The following PAF1 variants were observed in gnomAD, a reference collection of about 807,000 sequenced individuals.
The protein encoded by PAF1 is RNA polymerase II-associated factor 1 homolog.
A neutral mutation model predicts 68.4 loss-of-function variants in PAF1; 31 were observed. The ratio of observed to expected loss-of-function variants is 0.45; its 90% confidence interval spans 0.34 to 0.61. The LOEUF (loss-of-function observed/expected upper bound fraction) is 0.61. PAF1 is among the 20% of genes least tolerant of loss of function. PAF1 has a pLI of 0.01. For synonymous variants in PAF1, 256 were observed against 240.5 expected, an observed-to-expected ratio of 1.06 and a Z score of -0.60; for missense variants, 435 against 692.9, an observed-to-expected ratio of 0.63 and a Z score of 4.18.
At position 39,386,956 on chromosome 19, in the gene PAF1, C is replaced by T. The variant is rs1203368855; in HGVS notation, c.987-157G>A. On this transcript the variant is annotated intron_variant, in intron 11 of 13. Coordinates refer to ENST00000221265, the MANE Select transcript of PAF1 (RefSeq NM_019088.4). This position sits in a 1 kb window ranked among gnomAD's most constrained non-coding sequence, Gnocchi z 6.1. The stretch of plus-strand genomic sequence containing the variant: ...TACAGATTGAATAAGGGCAGCTAAG[C>T]TCAAGGTATTGAGGGCAGGGGAAAG... Among the ~76,000 whole-genome samples the T allele has an allele frequency of 9.2e-5, 14 of 152,182 alleles. No homozygotes were observed. Among genetic ancestry groups the T allele is most frequent in the Non-Finnish European group, 1.5e-5 (1 of 68,034 alleles).
rs767082702 is a variant in PAF1, at chr19:39,389,269, G to C, written c.461+13C>G. Reference sequence around the variant, plus strand: ...ATATCTCCACCTTCCCTCTCTTCCTGTTAGTAACTTACTTGACCTCAGGCT... The same window carrying C: ...ATATCTCCACCTTCCCTCTCTTCCTCTTAGTAACTTACTTGACCTCAGGCT... On this transcript the variant is annotated intron_variant, in intron 6 of 13. Coordinates refer to ENST00000221265, the MANE Select transcript of PAF1 (RefSeq NM_019088.4). The surrounding 1 kb of genome is among the most constrained non-coding windows in gnomAD (Gnocchi z 5.3). 6.8e-6 allele frequency: 11 copies of C among 1,611,346 alleles called. No individual in the cohort carries two copies. Among genetic ancestry groups the C allele is most frequent in the Non-Finnish European group, 9.3e-6 (11 of 1,177,414 alleles).
At position 39,391,023 on chromosome 19, in the gene PAF1, G is replaced by A. The variant is rs2078368177; in HGVS notation, c.-159C>T. ...GAGATGAGGTGGGCGGGCGAGAAGA[G>A]CTCCAGCGAGACTCAGGTGAACGCG... On this transcript the variant is annotated 5_prime_UTR_variant, in exon 1 of 14. Transcript: ENST00000221265. The A allele has an allele frequency of 2.9e-6, 2 of 701,576 alleles. No homozygotes were observed. Among genetic ancestry groups the A allele is most frequent in the African/African-American group, 3.6e-5 (2 of 55,946 alleles). The allele number at this position is 701,576 out of a possible 1,614,324, so 43.5% of individuals were successfully genotyped here.
In PAF1 at chr19:39,389,664, C is replaced by T; in HGVS notation, c.268G>A (p.Asp90Asn). 6.2e-7 allele frequency: 1 copy of T among 1,614,194 alleles called. No individual in the cohort carries two copies. The highest frequency in any genetic ancestry group is 1.1e-5 in the South Asian group (1 of 91,066). ...LGVTIDLINP[D>N]TYRIDPNVLL... ...CCATTGGGGTCGATGCGGTAGGTGT[C>T]AGGATTGATGAGATCGATGGTGACC... The change falls in exon 4 of 14, where the codon GAC (aspartate) becomes AAC (asparagine). Residue 90 changes from aspartate to asparagine, a missense_variant. Coordinates refer to ENST00000221265, the MANE Select transcript of PAF1 (RefSeq NM_019088.4). The surrounding 1 kb of genome is among the most constrained non-coding windows in gnomAD (Gnocchi z 5.3).
Position 39,389,403 on chromosome 19 carries a change from A to G in PAF1, c.360-20T>C. On this transcript the variant is annotated intron_variant, in intron 5 of 13. Transcript: ENST00000221265. This position sits in a 1 kb window ranked among gnomAD's most constrained non-coding sequence, Gnocchi z 5.3. Reference sequence around the variant, plus strand: ...TGGGATCTGGGGTGGGAAATCAGGTATCTCAGGACCCCACTGCCCTCCTGC... The same window carrying G: ...TGGGATCTGGGGTGGGAAATCAGGTGTCTCAGGACCCCACTGCCCTCCTGC... 2 of 1,613,014 alleles carry G rather than the reference A, an allele frequency of 1.2e-6. No individual in the cohort carries two copies. The highest frequency in any genetic ancestry group is 2.2e-5 in the East Asian group (1 of 44,884).
chr19:39,389,570 G>A lies in PAF1; in HGVS notation c.293-24C>T. 3.1e-6 allele frequency: 5 copies of A among 1,614,158 alleles called. No homozygotes were observed. Among genetic ancestry groups the A allele is most frequent in the Non-Finnish European group, 3.4e-6 (4 of 1,180,004 alleles). On this transcript the variant is annotated intron_variant, in intron 4 of 13. Transcript: ENST00000221265. The surrounding 1 kb of genome is among the most constrained non-coding windows in gnomAD (Gnocchi z 5.3). The stretch of plus-strand genomic sequence containing the variant: ...AACTAGAGGAGAGCGGGGGGCAGGA[G>A]GACCATGAGGGAGGCCCAGGCCTGA...
chr19:39,390,184 A>G, intron 2 of PAF1, 23 bp from the exon 3 acceptor site: 1 of 1,612,088 alleles, frequency 6.2e-7, no homozygotes. Context: ...GTGGCTCAAA[A>G]GTGGGCCCCC....
In PAF1 at chr19:39,390,107, G is replaced by A. The variant is rs540656296; in HGVS notation, c.132C>T (p.Phe44=). Reference sequence around the variant, plus strand: ...AGGGGTAGGTGATGAACTTGGGGTCGAAGGGGATATCAGGGAGGCTATTGC... The same window carrying A: ...AGGGGTAGGTGATGAACTTGGGGTCAAAGGGGATATCAGGGAGGCTATTGC... The part of the protein sequence containing the change: ...KYCNSLPDIP[F]DPKFITYPFD... The change falls in exon 3 of 14, where the codon TTC becomes TTT. Residue 44 remains phenylalanine, a synonymous_variant. Coordinates refer to ENST00000221265, the MANE Select transcript of PAF1 (RefSeq NM_019088.4). 6.2e-7 allele frequency: 1 copy of A among 1,614,046 alleles called. No homozygotes were observed. Among genetic ancestry groups the A allele is most frequent in the African/African-American group, 1.3e-5 (1 of 75,018 alleles).
intron 11 of PAF1, chr19:39,387,015 C>T (rs2078266785): frequency 3.3e-6 from 2 of 605,788 alleles, no homozygotes; most frequent in Non-Finnish European, 5.9e-6. Flanking sequence ...GTTTGGTTGC[C>T]CTACACTGTG....
Position 39,390,878 on chromosome 19 carries a change from C to A in PAF1, c.-14G>T. 1 of 1,574,940 alleles carries A rather than the reference C, an allele frequency of 6.3e-7. No homozygotes were observed. Among genetic ancestry groups the A allele is most frequent in the South Asian group, 1.2e-5 (1 of 85,922 alleles). The stretch of plus-strand genomic sequence containing the variant: ...GGTGGGCGCCATAGCGACGAGGCGA[C>A]GGCAGCCCGGACGGGGTCCTAGCGG... On this transcript the variant is annotated 5_prime_UTR_variant, in exon 1 of 14. Coordinates refer to ENST00000221265, the MANE Select transcript of PAF1 (RefSeq NM_019088.4).
At position 39,389,955 on chromosome 19, in the gene PAF1, A is replaced by G; in HGVS notation, c.170+114T>C. ...CATTAACAATTGAGCAGCTACTACTATGTGCTAGGGTAGGTACTGTGCTAG... is the reference window on the plus strand; with the variant it reads ...CATTAACAATTGAGCAGCTACTACTGTGTGCTAGGGTAGGTACTGTGCTAG... On this transcript the variant is annotated intron_variant, in intron 3 of 13. Coordinates refer to ENST00000221265, the MANE Select transcript of PAF1 (RefSeq NM_019088.4). The surrounding 1 kb of genome is among the most constrained non-coding windows in gnomAD (Gnocchi z 5.3). The G allele has an allele frequency of 9.5e-7, 1 of 1,051,150 alleles. No homozygotes were observed. The highest frequency in any genetic ancestry group is 1.5e-6 in the Non-Finnish European group (1 of 682,746). 65.1% of individuals were successfully genotyped at this position (1,051,150 alleles called of 1,614,324 possible). A position where few individuals can be genotyped will look rare whatever the true frequency, so the allele number is the denominator to read the frequency against.
Position 39,389,764 on chromosome 19 carries a change from G to A in PAF1, c.171-3C>T. 1.2e-6 allele frequency: 2 copies of A among 1,614,098 alleles called. No homozygotes were observed. Among genetic ancestry groups the A allele is most frequent in the Non-Finnish European group, 1.7e-6 (2 of 1,180,014 alleles). ...AAGTGGCTTTGTACTGGACGAACCT[G>A]GGTGGGGAAACACCTATTGTGGTGT... On this transcript the variant is annotated splice_polypyrimidine_tract_variant and splice_region_variant and intron_variant, in intron 3 of 13. Transcript: ENST00000221265. The surrounding 1 kb of genome is among the most constrained non-coding windows in gnomAD (Gnocchi z 5.3).
Position 39,385,862 on chromosome 19 carries a change from T to C in PAF1, c.*129A>G. ...GGCTGGGAGGGGAAGTAAAGAGAAG[T>C]TGACTTTATTAACAGCAAAGGTTTG... On this transcript the variant is annotated 3_prime_UTR_variant, in exon 14 of 14. Transcript: ENST00000221265. 1.4e-6 allele frequency: 2 copies of C among 1,381,382 alleles called. No individual in the cohort carries two copies. Among genetic ancestry groups the C allele is most frequent in the Non-Finnish European group, 1.9e-6 (2 of 1,029,510 alleles). 85.6% of individuals were successfully genotyped at this position (1,381,382 alleles called of 1,614,324 possible). A position where few individuals can be genotyped will look rare whatever the true frequency, so the allele number is the denominator to read the frequency against.
Position 39,389,946 on chromosome 19 carries a change from G to T in PAF1, c.170+123C>A. ...TGCTTGCTCCATTAACAATTGAGCAGCTACTACTATGTGCTAGGGTAGGTA... is the reference window on the plus strand; with the variant it reads ...TGCTTGCTCCATTAACAATTGAGCATCTACTACTATGTGCTAGGGTAGGTA... On this transcript the variant is annotated intron_variant, in intron 3 of 13. Coordinates refer to ENST00000221265, the MANE Select transcript of PAF1 (RefSeq NM_019088.4). The surrounding 1 kb of genome is among the most constrained non-coding windows in gnomAD (Gnocchi z 5.3). 1 of 1,055,312 alleles carries T rather than the reference G, an allele frequency of 9.5e-7. No homozygotes were observed. Among genetic ancestry groups the T allele is most frequent in the Non-Finnish European group, 1.5e-6 (1 of 687,980 alleles). 65.4% of individuals were successfully genotyped at this position (1,055,312 alleles called of 1,614,324 possible). A position where few individuals can be genotyped will look rare whatever the true frequency, so the allele number is the denominator to read the frequency against.
chr19:39,388,546 C>T lies in PAF1; in HGVS notation c.857+14G>A, dbSNP rs759770721. 3.8e-5 allele frequency: 62 copies of T among 1,613,888 alleles called. No individual in the cohort carries two copies. The highest frequency in any genetic ancestry group is 3.4e-4 in the South Asian group (31 of 91,078). Reference sequence around the variant, plus strand: ...AACTTCCCAATCCCCAAAACTTAACCGCAACCCACGCACACATCATCTGGT... The same window carrying T: ...AACTTCCCAATCCCCAAAACTTAACTGCAACCCACGCACACATCATCTGGT... On this transcript the variant is annotated intron_variant, in intron 10 of 13. Transcript: ENST00000221265.
chr19:39,385,771 C>G lies in PAF1; in HGVS notation c.*220G>C. On this transcript the variant is annotated 3_prime_UTR_variant, in exon 14 of 14. Coordinates refer to ENST00000221265, the MANE Select transcript of PAF1 (RefSeq NM_019088.4). ...GCCTCTGGCCTGTGTTTCTAAGCCT[C>G]AAGCCAAGATCCTTGAGCACCTGGG... 2 of 651,980 alleles carry G rather than the reference C, an allele frequency of 3.1e-6. No homozygotes were observed. Among genetic ancestry groups the G allele is most frequent in the South Asian group, 4.1e-5 (2 of 49,170 alleles). 40.4% of individuals were successfully genotyped at this position (651,980 alleles called of 1,614,324 possible).
At chr19:39,390,380 G>C in intron 1 of PAF1, 91 bp from the exon 2 acceptor site, 2 of 1,255,200 alleles carry the variant, frequency 1.6e-6, no homozygotes, top group Non-Finnish European at 2.3e-6. Flanking sequence ...AAAGGTAGGA[G>C]GGGTGACAAA....
Position 39,386,508 on chromosome 19 carries a change from G to A in PAF1, c.1157C>T (p.Thr386Ile). 1 of 1,614,088 alleles carries A rather than the reference G, an allele frequency of 6.2e-7. No individual in the cohort carries two copies. The change falls in exon 13 of 14, where the codon ACA (threonine) becomes ATA (isoleucine). Residue 386 changes from threonine to isoleucine, a missense_variant. This residue lies in a region of PAF1 where 78 missense variants were observed against 80.6 expected (regional missense o/e 0.97). Coordinates refer to ENST00000221265, the MANE Select transcript of PAF1 (RefSeq NM_019088.4). This position sits in a 1 kb window ranked among gnomAD's most constrained non-coding sequence, Gnocchi z 6.1. ...TGAGCCCCCAGCTTCTTTCTCTTCT[G>A]TCTCCATCTCCTCTTCCTCTTCCTC... is the stretch of plus-strand genomic sequence containing the variant. ...PEEEEEEEMETEEKEAGGSDE... is the reference protein window; with the variant it reads ...PEEEEEEEMEIEEKEAGGSDE...
chr19:39,389,881 G>T lies in PAF1; in HGVS notation c.171-120C>A. 1 of 1,401,750 alleles carries T rather than the reference G, an allele frequency of 7.1e-7. No individual in the cohort carries two copies. Among genetic ancestry groups the T allele is most frequent in the Non-Finnish European group, 1.0e-6 (1 of 995,534 alleles). The allele number at this position is 1,401,750 out of a possible 1,614,324, so 86.8% of individuals were successfully genotyped here. On this transcript the variant is annotated intron_variant, in intron 3 of 13. Transcript: ENST00000221265. This position sits in a 1 kb window ranked among gnomAD's most constrained non-coding sequence, Gnocchi z 5.3. ...AGAATGAAGTGTCCCCCATGGCAGA[G>T]TCTGAAAGCTGGCTCCCCAGTGGGA...
In PAF1 at chr19:39,388,940, GC is replaced by G; in HGVS notation, c.636+6del. On this transcript the variant is annotated splice_donor_region_variant and intron_variant, in intron 8 of 13. Coordinates refer to ENST00000221265, the MANE Select transcript of PAF1 (RefSeq NM_019088.4). Reference sequence around the variant, plus strand: ...TGTCCCTTTCTACCTCCCACCTTGGGCCTGACCTTAAAGTCTGGGAAGACAG... The same window carrying G: ...TGTCCCTTTCTACCTCCCACCTTGGGCTGACCTTAAAGTCTGGGAAGACAG... 6.2e-7 allele frequency: 1 copy of G among 1,613,904 alleles called. No individual in the cohort carries two copies. Among genetic ancestry groups the G allele is most frequent in the South Asian group, 1.1e-5 (1 of 91,076 alleles).
Sources: allele counts gnomAD v4.1 joint callset (sites outside exome capture counted in the v4.1 genomes callset), GRCh38; gene constraint gnomAD v4.1.1; regional missense constraint gnomAD v4.1.1; non-coding constraint Gnocchi (gnomAD v3.1); transcripts MANE v1.5; gene names NCBI Gene and HGNC (gene_info 2026-07-23, HGNC 2026-07-21).